Variants in EYS observed in about 807,000 individuals in gnomAD.
The protein encoded by EYS is protein eyes shut homolog.
A neutral mutation model predicts 282.1 loss-of-function variants in EYS; 250 were observed. That is an observed-to-expected ratio of 0.89 (90% CI 0.80 to 0.98). EYS has a LOEUF of 0.98. EYS is among the 50% of genes least tolerant of loss of function. The pLI is 0.00. For synonymous variants in EYS, 1,355 were observed against 1,282.9 expected (o/e 1.06, Z -1.20); for missense variants, 4,016 against 3,709.0 (o/e 1.08, Z -2.15).
At chr6:64,679,644 C>G (rs1769827720) in intron 22 of EYS, among the ~76,000 whole-genome samples, 1 of 152,122 alleles carries the variant, frequency 6.6e-6, no homozygotes, top group African/African-American at 2.4e-5. Flanking sequence ...TCTCCACACC[C>G]AACTGCAGTG....
At chr6:63,842,462 T>A (rs895585225) in intron 36 of EYS, among the ~76,000 whole-genome samples, 8 of 152,192 alleles carry the variant, frequency 5.3e-5, no homozygotes, top group African/African-American at 1.9e-4. Flanking sequence ...GGGCTTGTTT[T>A]TTTCTTGTAA....
intron 14 of EYS, among the ~76,000 whole-genome samples, chr6:64,993,566 G>A (rs1771147575): frequency 7.8e-6 from 1 of 128,344 alleles, no homozygotes; most frequent in African/African-American, 2.9e-5. Context: ...TCACACACTG[G>A]GGTCTCTTGT....
chr6:63,914,129 C>G (rs1311605066), intron 35 of EYS, among the ~76,000 whole-genome samples: 1 of 152,092 alleles, frequency 6.6e-6, no homozygotes, highest in Non-Finnish European at 1.5e-5. Flanking sequence ...CTCCCCACAT[C>G]TCTCTCTCTA....
chr6:63,904,960 C>T (rs573451563), intron 35 of EYS, among the ~76,000 whole-genome samples: 4 of 152,334 alleles, frequency 2.6e-5, no homozygotes, highest in African/African-American at 9.6e-5. Flanking sequence ...GCATTTAGTA[C>T]ATTCACATTG....
At chr6:64,310,944 C>A (rs574450635) in intron 29 of EYS, among the ~76,000 whole-genome samples, 1 of 151,852 alleles carries the variant, frequency 6.6e-6, no homozygotes, top group East Asian at 1.9e-4. Context: ...TTCTGTAAGG[C>A]TAAATTTATC....
At chr6:64,009,466 A>C (rs1054067029) in intron 33 of EYS, among the ~76,000 whole-genome samples, 5 of 151,762 alleles carry the variant, frequency 3.3e-5, no homozygotes, top group African/African-American at 4.8e-5. Context: ...TTGTATTTTC[A>C]GTAGAGATGG....
At chr6:64,533,775 A>G (rs1009493635) in intron 26 of EYS, among the ~76,000 whole-genome samples, 1 of 152,002 alleles carries the variant, frequency 6.6e-6, no homozygotes, top group Non-Finnish European at 1.5e-5. Context: ...TAAATATATC[A>G]TTAAACATAA....
chr6:65,271,128 T>TAATATATATATATATATATATA (rs1554174612), intron 12 of EYS, among the ~76,000 whole-genome samples: 2 of 55,786 alleles, frequency 3.6e-5, no homozygotes, highest in African/African-American at 1.1e-4. Context: ...AATCAATAGA[T>TAATATATATATATATATATATA]TATATATATA....
chr6:65,191,912 G>A (rs2150240153), intron 12 of EYS, among the ~76,000 whole-genome samples: 1 of 151,276 alleles, frequency 6.6e-6, no homozygotes, highest in Non-Finnish European at 1.5e-5. Context: ...TATTTTCAGT[G>A]GTTAACTTAA....
chr6:63,919,852 T>C (rs1764520693), intron 35 of EYS, among the ~76,000 whole-genome samples: 1 of 152,250 alleles, frequency 6.6e-6, no homozygotes, highest in Non-Finnish European at 1.5e-5. Context: ...TTCATCTTTA[T>C]TTAGCAAGAC....
intron 19 of EYS, among the ~76,000 whole-genome samples, chr6:64,830,491 AT>A (rs968682503): frequency 6.6e-6 from 1 of 151,968 alleles, no homozygotes; most frequent in African/African-American, 2.4e-5. Context: ...TTACTAGGAG[AT>A]TAACTGTCAG....
chr6:65,667,348 T>G (rs940691079), intron 1 of EYS, among the ~76,000 whole-genome samples: 4 of 151,902 alleles, frequency 2.6e-5, no homozygotes, highest in Admixed American at 2.6e-4. Context: ...TGCTCTCACT[T>G]AAATTCATAC....
In EYS at chr6:64,433,971, T is replaced by C. The variant is rs149181737; in HGVS notation, c.5927+2203A>G. Among the ~76,000 whole-genome samples the C allele has an allele frequency of 6.6e-5, 10 of 152,136 alleles. 1 individual carries two copies. Among genetic ancestry groups the C allele is most frequent in the African/African-American group, 2.4e-4 (10 of 41,556 alleles). ...TGCAAAATGACTGCTATGGGTTGAA[T>C]TGTGTTTCACTCAAAATTCATATGT... On this transcript the variant is annotated intron_variant, in intron 28 of 42. Transcript: ENST00000503581.
intron 12 of EYS, among the ~76,000 whole-genome samples, chr6:65,235,234 A>G (rs1766891954): frequency 6.6e-6 from 1 of 152,174 alleles, no homozygotes; most frequent in African/African-American, 2.4e-5. Context: ...AAAATAGTAT[A>G]ACTGATTTAC....
chr6:65,005,327 C>T (rs962240609), intron 13 of EYS, among the ~76,000 whole-genome samples: 4 of 147,758 alleles, frequency 2.7e-5, no homozygotes, highest in Non-Finnish European at 6.1e-5. Flanking sequence ...TCTTCCATGA[C>T]CCACGGCTTC....
chr6:64,312,417 C>A (rs1323849821), intron 29 of EYS, among the ~76,000 whole-genome samples: 3 of 152,116 alleles, frequency 2.0e-5, no homozygotes, highest in African/African-American at 7.2e-5. Context: ...CTCCCTGGGA[C>A]AGAGCAACTA....
At chr6:65,572,077 G>A (rs1409288917) in intron 2 of EYS, among the ~76,000 whole-genome samples, 1 of 151,996 alleles carries the variant, frequency 6.6e-6, no homozygotes, top group East Asian at 1.9e-4. Flanking sequence ...AGCTATGCTT[G>A]TAAGATACCA....
At chr6:64,909,146 T>C (rs1349392778) in intron 16 of EYS, among the ~76,000 whole-genome samples, 1 of 152,188 alleles carries the variant, frequency 6.6e-6, no homozygotes, top group Non-Finnish European at 1.5e-5. Flanking sequence ...TTCACCATGT[T>C]TAATTTTTCC....
intron 28 of EYS, among the ~76,000 whole-genome samples, chr6:64,401,539 A>G (rs1216159507): frequency 1.3e-5 from 2 of 152,084 alleles, no homozygotes; most frequent in African/African-American, 4.8e-5. Context: ...TTTTATTGAT[A>G]CATGATACTT....
Sources: allele counts gnomAD v4.1 joint callset (sites outside exome capture counted in the v4.1 genomes callset), GRCh38; gene constraint gnomAD v4.1.1; transcripts MANE v1.5; gene names NCBI Gene and HGNC (gene_info 2026-07-23, HGNC 2026-07-21).